The following PFKFB3 variants were observed in gnomAD, a reference collection of about 807,000 sequenced individuals.
The protein encoded by PFKFB3 is 6-phosphofructo-2-kinase/fructose-2,6-biphosphatase 3.
In PFKFB3, 33 loss-of-function variants were observed where a neutral mutation model predicts 68.0. That is an observed-to-expected ratio of 0.49 (90% confidence interval 0.37 to 0.65). The LOEUF (loss-of-function observed/expected upper bound fraction) is 0.65, where lower values mean the gene tolerates loss of function less well. Ranked by LOEUF, PFKFB3 falls within the 30% of genes least tolerant of loss-of-function variation. PFKFB3 has a pLI of 0.00. For synonymous variants in PFKFB3, 315 were observed against 288.2 expected, an observed-to-expected ratio of 1.09 and a Z score of -0.94; for missense variants, 586 against 712.2, an observed-to-expected ratio of 0.82 and a Z score of 2.02.
At chr10:6,146,514 T>A (rs748799848) in intron 1 of PFKFB3, 1 of 1,533,064 alleles carries the variant, frequency 6.5e-7, no homozygotes, top group South Asian at 1.2e-5. Flanking sequence ...TCGGCCACCT[T>A]GACTCTGTGG....
chr10:6,290,617 G>C, the PFKFB3 span, among the ~76,000 whole-genome samples: 1 of 151,240 alleles, frequency 6.6e-6, no homozygotes, highest in Admixed American at 6.6e-5. Flanking sequence ...TTGTGCCTCA[G>C]CCTCCTGAGT....
At chr10:6,167,806 C>T (rs1321122092) in intron 1 of PFKFB3, among the ~76,000 whole-genome samples, 1 of 152,208 alleles carries the variant, frequency 6.6e-6, no homozygotes, top group Non-Finnish European at 1.5e-5. Context: ...ACCTTGGTCT[C>T]ATTCCTCTCC....
intron 1 of PFKFB3, among the ~76,000 whole-genome samples, chr10:6,194,849 G>A (rs544466718): frequency 1.8e-4 from 27 of 151,798 alleles, no homozygotes; most frequent in African/African-American, 6.5e-4. Context: ...GCAAGGATGG[G>A]CTTTTGCTCC....
intron 14 of PFKFB3, chr10:6,231,487 C>T: frequency 2.0e-6 from 2 of 985,364 alleles, no homozygotes; most frequent in Non-Finnish European, 2.4e-6. Context: ...CCCACGTGTC[C>T]TGAGCTGGGG....
chr10:6,176,296 G>A (rs1017684148), intron 1 of PFKFB3, among the ~76,000 whole-genome samples: 21 of 152,160 alleles, frequency 1.4e-4, no homozygotes, highest in Admixed American at 1.2e-3. Flanking sequence ...TGATGGGAGG[G>A]GGCACGGGGG....
Position 6,219,712 on chromosome 10 carries a change from C to A in PFKFB3, c.623+19C>A. The A allele has an allele frequency of 6.2e-7, 1 of 1,611,986 alleles. No individual in the cohort carries two copies. Among genetic ancestry groups the A allele is most frequent in the South Asian group, 1.1e-5 (1 of 91,004 alleles). ...GCGACAGGTGATTCCCGTGGCTGGC[C>A]GTCTCTGCAAGACCCACATGAGGGT... On this transcript the variant is annotated intron_variant, in intron 7 of 14. Transcript: ENST00000379775.
the PFKFB3 span, among the ~76,000 whole-genome samples, chr10:6,268,173 G>A: frequency 6.6e-6 from 1 of 152,020 alleles, no homozygotes; most frequent in Non-Finnish European, 1.5e-5. Flanking sequence ...TTGAGATTAG[G>A]TGTGGAATTC....
chr10:6,206,731 G>A (rs1843751298), intron 1 of PFKFB3, among the ~76,000 whole-genome samples: 1 of 148,254 alleles, frequency 6.7e-6, no homozygotes, highest in Non-Finnish European at 1.5e-5. Flanking sequence ...ATGGGATGGC[G>A]GCCAGGAAGA....
intron 14 of PFKFB3, among the ~76,000 whole-genome samples, chr10:6,227,622 G>A (rs1845443633): frequency 1.3e-5 from 2 of 152,224 alleles, no homozygotes; most frequent in Admixed American, 6.5e-5. Context: ...GGCATGTGGT[G>A]GGGACGCGTA....
In PFKFB3 at chr10:6,223,114, A is replaced by G. The variant is rs375926187; in HGVS notation, c.1213+130A>G. 24 of 913,980 alleles carry G rather than the reference A, an allele frequency of 2.6e-5. 1 individual carries two copies. The highest frequency in any genetic ancestry group is 2.4e-4 in the African/African-American group (14 of 59,534). The allele number at this position is 913,980 out of a possible 1,614,324, so 56.6% of individuals were successfully genotyped here. On this transcript the variant is annotated intron_variant, in intron 11 of 14. Coordinates refer to ENST00000379775, the MANE Select transcript of PFKFB3 (RefSeq NM_004566.4). The stretch of plus-strand genomic sequence containing the variant: ...TGCCATGGGGTGTTAGGAGAAGGGC[A>G]CAGGTGTCGGCTCCCGGCTGCTTCA...
intron 6 of PFKFB3, among the ~76,000 whole-genome samples, chr10:6,217,852 C>A (rs1844692301): frequency 6.6e-6 from 1 of 152,174 alleles, no homozygotes; most frequent in African/African-American, 2.4e-5. Flanking sequence ...ATAATTTCCT[C>A]TTCAGCTTAA....
chr10:6,307,959 C>T, the PFKFB3 span, among the ~76,000 whole-genome samples: 9 of 152,148 alleles, frequency 5.9e-5, no homozygotes, highest in African/African-American at 1.9e-4. Flanking sequence ...GTTCTGCCCC[C>T]TTCCCCATTC....
At position 6,215,527 on chromosome 10, in the gene PFKFB3, G is replaced by A. The variant is rs928729036; in HGVS notation, c.299+210G>A. Among the ~76,000 whole-genome samples, 5 of 152,124 alleles carry A rather than the reference G, an allele frequency of 3.3e-5. No individual in the cohort carries two copies. The highest frequency in any genetic ancestry group is 1.3e-4 in the Admixed American group (2 of 15,272). ...GGCTCTGTAGGAGGCAGAGAAAGCCGGCCTGCGGGTGGGTCCTGCTGGTGG... is the reference window on the plus strand; with the variant it reads ...GGCTCTGTAGGAGGCAGAGAAAGCCAGCCTGCGGGTGGGTCCTGCTGGTGG... On this transcript the variant is annotated intron_variant, in intron 3 of 14. Transcript: ENST00000379775. This position sits in a 1 kb window ranked among gnomAD's most constrained non-coding sequence, Gnocchi z 4.3.
At chr10:6,151,866 C>T (rs116378482) in intron 1 of PFKFB3, among the ~76,000 whole-genome samples, 7,195 of 151,986 alleles carry the variant, frequency 0.047, 250 homozygotes, top group African/African-American at 0.099. Flanking sequence ...TGTCGGGCGG[C>T]AGGCACTGGC....
downstream of PFKFB3, among the ~76,000 whole-genome samples, chr10:6,238,476 T>TC (rs1246136214): frequency 6.1e-5 from 3 of 49,086 alleles, no homozygotes; most frequent in Non-Finnish European, 1.1e-4. Context: ...AGGTGCCATC[T>TC]CAAAAAAAAA....
intron 8 of PFKFB3, 68 bp from the exon 9 acceptor site, chr10:6,221,313 C>T: frequency 6.3e-7 from 1 of 1,585,064 alleles, no homozygotes; most frequent in Non-Finnish European, 8.6e-7. Context: ...GGGCTGCCTG[C>T]TCCAGCCCTG....
intron 13 of PFKFB3, chr10:6,225,245 A>G (rs1302064876): frequency 4.4e-6 from 2 of 456,060 alleles, no homozygotes; most frequent in South Asian, 3.1e-5. Flanking sequence ...CGTTCCCGAA[A>G]CAGGTGACTG....
At chr10:6,221,327 C>G in intron 8 of PFKFB3, 54 bp from the exon 9 acceptor site, 3 of 1,604,000 alleles carry the variant, frequency 1.9e-6, no homozygotes, top group Non-Finnish European at 1.7e-6. Flanking sequence ...AGCCCTGGCT[C>G]TTGGAGGAGC....
At chr10:6,325,884 T>C in the PFKFB3 span, among the ~76,000 whole-genome samples, 1 of 152,172 alleles carries the variant, frequency 6.6e-6, no homozygotes, top group Non-Finnish European at 1.5e-5. Context: ...TAGCAATGTG[T>C]CTGTATAGTT....
Sources: gnomAD v4.1 joint callset for allele counts (sites outside exome capture counted in the v4.1 genomes callset) on GRCh38, gnomAD v4.1.1 for gene constraint, Gnocchi (gnomAD v3.1) non-coding constraint, MANE v1.5 for transcripts, NCBI Gene and HGNC (gene_info 2026-07-23, HGNC 2026-07-21) for gene names.